Variants in ANK2 observed in about 807,000 individuals in gnomAD.
ANK2 encodes the protein ankyrin 2.
ANK2 carries 83 observed loss-of-function variants against 360.5 expected under a neutral mutation model. That is an observed-to-expected ratio of 0.23 (90% CI 0.19 to 0.28). The LOEUF (loss-of-function observed/expected upper bound fraction) is 0.28, where lower values mean the gene tolerates loss of function less well. ANK2 is among the 10% of genes least tolerant of loss of function. The pLI is 1.00. For missense variants in ANK2, 4,201 were observed against 4,795.7 expected (o/e 0.88, Z 3.66); for synonymous variants, 1,740 against 1,759.5 (o/e 0.99, Z 0.28).
chr4:112,999,063 A>G lies in ANK2; in HGVS notation c.21+94549A>G, dbSNP rs1378074518. 2.1e-4 allele frequency among the ~76,000 whole-genome samples: 32 copies of G among 152,170 alleles called. 1 individual carries two copies. Among genetic ancestry groups the G allele is most frequent in the Admixed American group, 2.1e-3 (32 of 15,274 alleles). On this transcript the variant is annotated intron_variant, in intron 2 of 30. Transcript: ENST00000503271. ...TGTATTTAAATATATTAAATATTGC[A>G]ACACATACATTATACAAAATGCTAT...
intron 13 of ANK2, among the ~76,000 whole-genome samples, chr4:113,262,732 G>A (rs1245423757): frequency 2.0e-5 from 3 of 150,418 alleles, no homozygotes; most frequent in Non-Finnish European, 2.9e-5. Context: ...GGTATTATAA[G>A]TAATATAGAG....
At chr4:113,368,501 T>C (rs554909516) in intron 42 of ANK2, among the ~76,000 whole-genome samples, 8 of 152,290 alleles carry the variant, frequency 5.3e-5, no homozygotes, top group Non-Finnish European at 1.0e-4. Flanking sequence ...TGAAGGAAGC[T>C]GCAGGCCTAA....
chr4:113,381,566 G>C lies in ANK2; in HGVS notation c.*95G>C. 2 of 1,610,316 alleles carry C rather than the reference G, an allele frequency of 1.2e-6. No homozygotes were observed. Among genetic ancestry groups the C allele is most frequent in the Non-Finnish European group, 1.7e-6 (2 of 1,177,970 alleles). On this transcript the variant is annotated 3_prime_UTR_variant, in exon 46 of 46. Coordinates refer to ENST00000357077, the MANE Select transcript of ANK2 (RefSeq NM_001148.6). ...GGATGTACCAGAAGCACTAGACCAG[G>C]ACGACCTCCAGCGCGATCTCCAGCA...
chr4:113,282,924 A>G (rs779149355), intron 18 of ANK2, 52 bp downstream of exon 18: 3 of 1,586,788 alleles, frequency 1.9e-6, no homozygotes, highest in Non-Finnish European at 2.6e-6. Flanking sequence ...GCATGTAAAC[A>G]GGAACCAATC....
the ANK2 span, among the ~76,000 whole-genome samples, chr4:112,768,575 TTATTTTCTCC>T: frequency 6.6e-6 from 1 of 152,138 alleles, no homozygotes; most frequent in Non-Finnish European, 1.5e-5. Flanking sequence ...TGTTGTAATT[TTATTTTCTCC>T]TGTAGCAGGA....
intron 2 of ANK2, among the ~76,000 whole-genome samples, chr4:112,995,879 A>G (rs2048340828): frequency 6.6e-6 from 1 of 152,204 alleles, no homozygotes; most frequent in African/African-American, 2.4e-5. Context: ...TGGAACTCTC[A>G]TACACTGCTG....
chr4:112,950,148 T>C (rs2094840282), intron 2 of ANK2, among the ~76,000 whole-genome samples: 1 of 152,152 alleles, frequency 6.6e-6, no homozygotes, highest in African/African-American at 2.4e-5. Flanking sequence ...ATGCTTCACT[T>C]CTTACCTGCC....
At chr4:112,783,808 T>C in the ANK2 span, among the ~76,000 whole-genome samples, 28 of 151,776 alleles carry the variant, frequency 1.8e-4, no homozygotes, top group African/African-American at 6.5e-4. Flanking sequence ...CGCCACCACG[T>C]CCAGCTAATT....
chr4:112,768,700 G>A, the ANK2 span, among the ~76,000 whole-genome samples: 82 of 152,164 alleles, frequency 5.4e-4, no homozygotes, highest in African/African-American at 1.9e-3. Flanking sequence ...CTCATTCTTT[G>A]TGTTCTCAGA....
chr4:113,353,437 G>C lies in ANK2; in HGVS notation c.4819G>C (p.Ala1607Pro). Residue 1607 changes from alanine to proline, a missense_variant, in exon 38 of 46, where the codon GCA becomes CCA. Physicochemically the swap from Ala to Pro is conservative, Grantham distance 27. This residue lies in a region of ANK2 where 1,268 missense variants were observed against 1,650.8 expected (regional missense o/e 0.77). Coordinates refer to ENST00000357077, the MANE Select transcript of ANK2 (RefSeq NM_001148.6). The stretch of plus-strand genomic sequence containing the variant: ...GGAAATAGAAGAGGCTAGGCAAAAA[G>C]CACCTTTAGAAATCACTGAATATCC... Reference protein sequence around the residue: ...DEEIEEARQKAPLEITEYPCV... With the variant: ...DEEIEEARQKPPLEITEYPCV... The C allele has an allele frequency of 6.2e-7, 1 of 1,614,026 alleles. No homozygotes were observed. Among genetic ancestry groups the C allele is most frequent in the Non-Finnish European group, 8.5e-7 (1 of 1,179,958 alleles).
intron 2 of ANK2, among the ~76,000 whole-genome samples, chr4:112,957,901 C>T (rs1245638198): frequency 2.0e-5 from 3 of 150,488 alleles, no homozygotes; most frequent in South Asian, 2.1e-4. Context: ...CAGAGATGCT[C>T]CTCACCTCCC....
the ANK2 span, among the ~76,000 whole-genome samples, chr4:112,782,439 A>G: frequency 6.6e-6 from 1 of 152,228 alleles, no homozygotes; most frequent in African/African-American, 2.4e-5. Context: ...TATACAAACA[A>G]TAGTAATGGA....
At chr4:112,964,202 A>G (rs757328999) in intron 2 of ANK2, among the ~76,000 whole-genome samples, 64 of 150,364 alleles carry the variant, frequency 4.3e-4, no homozygotes, top group Admixed American at 1.1e-3. Flanking sequence ...TGAGGCATCT[A>G]TCCCCTCAAG....
At chr4:113,276,906 C>T (rs200048626) in intron 15 of ANK2, among the ~76,000 whole-genome samples, 31 of 152,246 alleles carry the variant, frequency 2.0e-4, no homozygotes, top group Non-Finnish European at 3.8e-4. Context: ...AGGCCCTGAT[C>T]GGTGTTAGAA....
chr4:113,020,513 A>C (rs1018946959), intron 2 of ANK2, among the ~76,000 whole-genome samples: 1 of 151,906 alleles, frequency 6.6e-6, no homozygotes, highest in Non-Finnish European at 1.5e-5. Context: ...TCTTAACGAT[A>C]ATTTGTTTTT....
chr4:113,350,889 C>T (rs191081054), intron 37 of ANK2: 1 of 151,762 alleles, frequency 6.6e-6, no homozygotes, highest in Non-Finnish European at 1.5e-5. Context: ...AAATTAAAAC[C>T]CCCTGGATAA....
chr4:113,113,861 C>T (rs1028133303), intron 1 of ANK2, among the ~76,000 whole-genome samples: 8 of 152,232 alleles, frequency 5.3e-5, no homozygotes, highest in Admixed American at 2.6e-4. Flanking sequence ...TAAGTTTGAG[C>T]AACACAAGTA....
At chr4:113,016,721 C>T (rs757333972) in intron 2 of ANK2, among the ~76,000 whole-genome samples, 1 of 152,154 alleles carries the variant, frequency 6.6e-6, no homozygotes, top group Non-Finnish European at 1.5e-5. Flanking sequence ...GGAAATGAAT[C>T]CAAGGCAGGG....
chr4:112,763,222 G>A, the ANK2 span, among the ~76,000 whole-genome samples: 3 of 138,672 alleles, frequency 2.2e-5, no homozygotes, highest in Non-Finnish European at 4.7e-5. Flanking sequence ...ACCACACCTG[G>A]CTAATTTTTT....
Sources: allele counts gnomAD v4.1 joint callset (sites outside exome capture counted in the v4.1 genomes callset), GRCh38; gene constraint gnomAD v4.1.1; regional missense constraint gnomAD v4.1.1; transcripts MANE v1.5; gene names NCBI Gene and HGNC (gene_info 2026-07-23, HGNC 2026-07-21).